TTLL8: variants seen among roughly 807,000 people sequenced by gnomAD.
The protein encoded by TTLL8 is tubulin tyrosine ligase like 8.
In TTLL8, 65 loss-of-function variants were observed where a neutral mutation model predicts 77.8. That is an observed-to-expected ratio of 0.84 (90% CI 0.68 to 1.03). The LOEUF is 1.03. Ranked by LOEUF, TTLL8 falls within the 50% of genes least tolerant of loss-of-function variation. The pLI, the probability that TTLL8 is intolerant of heterozygous loss-of-function variation, is 0.00. For missense variants in TTLL8, 910 were observed against 1,004.5 expected (o/e 0.91, Z 1.27); for synonymous variants, 402 against 422.8 (o/e 0.95, Z 0.60).
rs935853895 is a variant in TTLL8 at position 50,050,250 on chromosome 22, A to G, written c.52-3T>C. On this transcript the variant is annotated splice_region_variant and splice_polypyrimidine_tract_variant and intron_variant, in intron 1 of 13. Transcript: ENST00000266182. ...TAGATAGAGAAAATCTTCTTCTCCT[A>G]AAATGGCAAGAGGATATTTTATTTT... 1 of 1,317,888 alleles carries G rather than the reference A, an allele frequency of 7.6e-7. No homozygotes were observed. Among genetic ancestry groups the G allele is most frequent in the East Asian group, 5.2e-5 (1 of 19,272 alleles). The allele number at this position is 1,317,888 out of a possible 1,614,324, so 81.6% of individuals were successfully genotyped here.
At position 50,041,341 on chromosome 22, in the gene TTLL8, G is replaced by A. The variant is rs2061369433; in HGVS notation, c.831-64C>T. ...TGGTGGGACAGGCAACAGAGGGCCT[G>A]GGCACCCCGACACCCATAAGGCACC... On this transcript the variant is annotated intron_variant, in intron 7 of 13. Coordinates refer to ENST00000266182, the Ensembl canonical transcript of TTLL8. The surrounding 1 kb of genome is among the most constrained non-coding windows in gnomAD (Gnocchi z 4.3). 3 of 549,044 alleles carry A rather than the reference G, an allele frequency of 5.5e-6. No homozygotes were observed. The highest frequency in any genetic ancestry group is 6.7e-6 in the Non-Finnish European group (2 of 298,414). 34.0% of individuals were successfully genotyped at this position (549,044 alleles called of 1,614,324 possible). A position where few individuals can be genotyped will look rare whatever the true frequency, so the allele number is the denominator to read the frequency against.
chr22:50,055,018 C>T (rs1041024517), upstream of TTLL8: 3 of 443,642 alleles, frequency 6.8e-6, no homozygotes, highest in Non-Finnish European at 9.0e-6. Flanking sequence ...TGAGATCGTG[C>T]CACTGCACTC....
intron 11 of TTLL8, 112 bp from the exon 13 acceptor site, chr22:50,031,037 C>T (rs776906393): frequency 2.3e-4 from 225 of 986,746 alleles, no homozygotes; most frequent in Non-Finnish European, 2.6e-4. Flanking sequence ...CCACCTGACT[C>T]AGGAGTGAAC....
At chr22:50,047,284 T>C in exon 4 of TTLL8, 1 of 1,367,644 alleles carries the variant, frequency 7.3e-7, no homozygotes, top group African/African-American at 1.5e-5. Context: ...ATCTCATTTT[T>C]TACCAACCTA....
intron 12 of TTLL8, among the ~76,000 whole-genome samples, chr22:50,019,590 C>G (rs114315042): frequency 2.0e-5 from 3 of 152,264 alleles, no homozygotes; most frequent in African/African-American, 7.2e-5. Context: ...GGAAGGTCCA[C>G]GTGGGAGGGA....
upstream of TTLL8, chr22:50,056,941 C>A: frequency 8.5e-6 from 11 of 1,289,742 alleles, no homozygotes; most frequent in Non-Finnish European, 1.0e-5. This position sits in a 1 kb window ranked among gnomAD's most constrained non-coding sequence, Gnocchi z 4.1. Context: ...TCCATACTGG[C>A]CTCCGACAGC....
chr22:50,021,939 GTCCTCCATCTGACGTGCAC>G (rs1475476786), intron 12 of TTLL8, among the ~76,000 whole-genome samples: 1 of 48,282 alleles, frequency 2.1e-5, no homozygotes, highest in Non-Finnish European at 4.2e-5. Flanking sequence ...CTGACATGCA[GTCCTCCATCTGACGTGCAC>G]TCCTCCATCT....
At chr22:50,054,653 C>T (rs1401008938), upstream of TTLL8, 1 of 196,078 alleles carries the variant, frequency 5.1e-6, no homozygotes, top group South Asian at 1.0e-4. Flanking sequence ...AGCAGATAAA[C>T]AGATAAAGCC....
At chr22:50,055,390 A>G (rs527392104), upstream of TTLL8, 3 of 1,205,240 alleles carry the variant, frequency 2.5e-6, no homozygotes, top group Admixed American at 7.1e-5. Context: ...ACGGTGGCTC[A>G]TGCCTGTAAT....
At chr22:50,030,450 C>G (rs767966901) in exon 12 of TTLL8, 1 of 1,335,502 alleles carries the variant, frequency 7.5e-7, no homozygotes, top group Admixed American at 2.0e-5. Flanking sequence ...GGGCGGCGGA[C>G]GCAGCGCGCC....
At chr22:50,023,223 A>G (rs1324489902) in intron 12 of TTLL8, among the ~76,000 whole-genome samples, 3 of 152,272 alleles carry the variant, frequency 2.0e-5, no homozygotes, top group African/African-American at 7.2e-5. Context: ...AAATGTAATG[A>G]AAACTATGCA....
At chr22:50,055,301 T>G, upstream of TTLL8, 2 of 1,290,034 alleles carry the variant, frequency 1.6e-6, no homozygotes, top group Non-Finnish European at 2.0e-6. Context: ...AGAAGCCAAG[T>G]CTTGGGAAAT....
rs2061325609 is a variant in TTLL8, at chr22:50,034,927, G to A, written c.922-465C>T. ...GGTAGGAAAGTGGCCGGCCCGTGCA[G>A]GCCTCCTGTGTCCCGGCCAGCTGCC... On this transcript the variant is annotated intron_variant, in intron 8 of 13. Coordinates refer to ENST00000266182, the Ensembl canonical transcript of TTLL8. The surrounding 1 kb of genome is among the most constrained non-coding windows in gnomAD (Gnocchi z 4.1). Among the ~76,000 whole-genome samples the A allele has an allele frequency of 6.6e-6, 1 of 152,212 alleles. No homozygotes were observed. Among genetic ancestry groups the A allele is most frequent in the Admixed American group, 6.5e-5 (1 of 15,292 alleles).
chr22:50,037,890 GC>G (rs964864944), intron 8 of TTLL8, among the ~76,000 whole-genome samples: 5 of 151,608 alleles, frequency 3.3e-5, no homozygotes, highest in African/African-American at 4.8e-5. Flanking sequence ...AATTCCTCCT[GC>G]CCCCCAACAA....
intron 8 of TTLL8, among the ~76,000 whole-genome samples, chr22:50,038,617 G>A (rs1477058903): frequency 1.3e-5 from 2 of 152,150 alleles, no homozygotes; most frequent in Non-Finnish European, 1.5e-5. Flanking sequence ...TTCAAGACAA[G>A]CCTGGGCAAC....
intron 12 of TTLL8, chr22:50,027,747 C>CGGT (rs2061239654): frequency 2.0e-6 from 2 of 985,464 alleles, no homozygotes; most frequent in African/African-American, 3.5e-5. Context: ...GGTTGCCTGA[C>CGGT]TGTCACGGAA....
intron 1 of TTLL8, 103 bp from the exon 4 acceptor site, chr22:50,050,350 G>T: frequency 1.3e-6 from 1 of 797,574 alleles, no homozygotes; most frequent in Non-Finnish European, 1.8e-6. Context: ...TCTGAGATTT[G>T]GGGGCACCCA....
intron 6 of TTLL8, among the ~76,000 whole-genome samples, chr22:50,042,243 C>T (rs1261783357): frequency 1.3e-5 from 2 of 152,204 alleles, no homozygotes; most frequent in African/African-American, 2.4e-5. Context: ...TTTGCACACA[C>T]TTAATAAAGG....
chr22:50,032,054 G>C, exon 11 of TTLL8: 1 of 1,365,374 alleles, frequency 7.3e-7, no homozygotes, highest in Non-Finnish European at 9.8e-7. Flanking sequence ...AGGGGGCTGC[G>C]GCCCACATCA....
Sources: allele counts gnomAD v4.1 joint callset (sites outside exome capture counted in the v4.1 genomes callset), GRCh38; gene constraint gnomAD v4.1.1; non-coding constraint Gnocchi (gnomAD v3.1); transcripts MANE v1.5; gene names NCBI Gene and HGNC (gene_info 2026-07-23, HGNC 2026-07-21).